The following SKIL variants were observed in gnomAD, a reference collection of about 807,000 sequenced individuals.
SKIL encodes SKI like proto-oncogene, also known as ski-like protein.
A neutral mutation model predicts 69.6 loss-of-function variants in SKIL; 20 were observed. The ratio of observed to expected loss-of-function variants is 0.29; its 90% confidence interval spans 0.20 to 0.42. SKIL has a LOEUF of 0.42. Among genes scored for constraint, SKIL ranks in the 10% least tolerant of loss-of-function variants. SKIL has a pLI of 1.00. For synonymous variants in SKIL, 310 were observed against 279.9 expected, an observed-to-expected ratio of 1.11 and a Z score of -1.08; for missense variants, 745 against 783.1, an observed-to-expected ratio of 0.95 and a Z score of 0.58.
At chr3:170,382,050 C>G (rs1252962675) in intron 3 of SKIL, among the ~76,000 whole-genome samples, 1 of 151,656 alleles carries the variant, frequency 6.6e-6, no homozygotes, top group Non-Finnish European at 1.5e-5. Flanking sequence ...TCATTGCACT[C>G]CAGCCTAGGC....
At chr3:170,366,219 C>T (rs1189525754) in intron 2 of SKIL, among the ~76,000 whole-genome samples, 3 of 151,246 alleles carry the variant, frequency 2.0e-5, no homozygotes, top group South Asian at 2.1e-4. Flanking sequence ...GTAAGTTGTT[C>T]GAAATGAAAC....
intron 2 of SKIL, among the ~76,000 whole-genome samples, chr3:170,379,502 C>G (rs1481599526): frequency 2.6e-5 from 4 of 151,788 alleles, no homozygotes; most frequent in African/African-American, 9.7e-5. Context: ...GTATCCTTTT[C>G]CCACAAAAGC....
chr3:170,391,606 A>C (rs554731554), intron 6 of SKIL, among the ~76,000 whole-genome samples: 3 of 152,250 alleles, frequency 2.0e-5, no homozygotes, highest in Admixed American at 2.0e-4. Flanking sequence ...AGCATGAGCC[A>C]CTGCACCCGG....
At chr3:170,388,795 C>A (rs902383206) in intron 4 of SKIL, among the ~76,000 whole-genome samples, 2 of 151,936 alleles carry the variant, frequency 1.3e-5, no homozygotes, top group Non-Finnish European at 2.9e-5. Context: ...CTATTTTTTT[C>A]TTGTTTTAGG....
chr3:170,364,548 C>T (rs545606132), intron 2 of SKIL, among the ~76,000 whole-genome samples: 1 of 152,066 alleles, frequency 6.6e-6, no homozygotes, highest in East Asian at 1.9e-4. Flanking sequence ...GTCTTAACTC[C>T]TGACCTGAGG....
At chr3:170,388,720 G>A (rs1263402848) in intron 4 of SKIL, among the ~76,000 whole-genome samples, 7 of 151,152 alleles carry the variant, frequency 4.6e-5, no homozygotes, top group Non-Finnish European at 8.9e-5. Flanking sequence ...GTGAGCCACC[G>A]CGCTTGGCCG....
chr3:170,376,108 C>T (rs376715241), intron 2 of SKIL, among the ~76,000 whole-genome samples: 4 of 136,754 alleles, frequency 2.9e-5, no homozygotes, highest in African/African-American at 5.5e-5. Flanking sequence ...AGCGCAGTGG[C>T]GCAATCTCAG....
chr3:170,393,273 T>C lies in SKIL; in HGVS notation c.*856T>C, dbSNP rs1429837869. The C allele has an allele frequency of 1.3e-5, 2 of 152,180 alleles. No homozygotes were observed. The highest frequency in any genetic ancestry group is 1.5e-5 in the Non-Finnish European group (1 of 68,024). The allele number at this position is 152,180 out of a possible 1,614,324, so 9.4% of individuals were successfully genotyped here. Reference sequence around the variant, plus strand: ...CAATCCATAATCCTCCTGTACAGTTTTTACATGTAGTTATGAGTCTTACTA... The same window carrying C: ...CAATCCATAATCCTCCTGTACAGTTCTTACATGTAGTTATGAGTCTTACTA... On this transcript the variant is annotated 3_prime_UTR_variant, in exon 7 of 7. Transcript: ENST00000259119.
At chr3:170,366,209 G>A (rs763671815) in intron 2 of SKIL, among the ~76,000 whole-genome samples, 7 of 151,846 alleles carry the variant, frequency 4.6e-5, no homozygotes, top group Admixed American at 1.3e-4. Flanking sequence ...CTGAAACTCA[G>A]TAAGTTGTTC....
In SKIL at chr3:170,394,104, T is replaced by C. The variant is rs1258879679; in HGVS notation, c.*1687T>C. On this transcript the variant is annotated 3_prime_UTR_variant, in exon 7 of 7. Coordinates refer to ENST00000259119, the MANE Select transcript of SKIL (RefSeq NM_005414.5). Reference sequence around the variant, plus strand: ...AGGAGGAACAAATATTAAAATGACATGTAGAAACAAATTTTTTTTTTTTTT... The same window carrying C: ...AGGAGGAACAAATATTAAAATGACACGTAGAAACAAATTTTTTTTTTTTTT... The C allele has an allele frequency of 3.4e-5, 5 of 148,856 alleles. No individual in the cohort carries two copies. Among genetic ancestry groups the C allele is most frequent in the Non-Finnish European group, 3.0e-5 (2 of 67,684 alleles). 9.2% of individuals were successfully genotyped at this position (148,856 alleles called of 1,614,324 possible).
At chr3:170,388,730 G>A (rs190968527) in intron 4 of SKIL, among the ~76,000 whole-genome samples, 2 of 151,584 alleles carry the variant, frequency 1.3e-5, no homozygotes, top group East Asian at 3.9e-4. Flanking sequence ...GCGCTTGGCC[G>A]TGTTAGTGTT....
In SKIL at chr3:170,394,476, T is replaced by C. The variant is rs1342298868; in HGVS notation, c.*2059T>C. On this transcript the variant is annotated 3_prime_UTR_variant, in exon 7 of 7. Coordinates refer to ENST00000259119, the MANE Select transcript of SKIL (RefSeq NM_005414.5). ...ATTTCATTTATATTTCTAATTCACT[T>C]GGAACCTTTCTGCTTTATGTTACCT... The C allele has an allele frequency of 6.6e-6, 1 of 152,168 alleles. No homozygotes were observed. Among genetic ancestry groups the C allele is most frequent in the Non-Finnish European group, 1.5e-5 (1 of 68,018 alleles). The allele number at this position is 152,168 out of a possible 1,614,324, so 9.4% of individuals were successfully genotyped here. A position where few individuals can be genotyped will look rare whatever the true frequency, so the allele number is the denominator to read the frequency against.
intron 2 of SKIL, among the ~76,000 whole-genome samples, chr3:170,372,020 A>G (rs1736824508): frequency 6.6e-6 from 1 of 152,224 alleles, no homozygotes. Flanking sequence ...TAGAAAAGTA[A>G]AGCCTTAGAA....
At chr3:170,373,310 G>A (rs962093056) in intron 2 of SKIL, among the ~76,000 whole-genome samples, 1 of 152,048 alleles carries the variant, frequency 6.6e-6, no homozygotes, top group South Asian at 2.1e-4. Flanking sequence ...GGGATTACAG[G>A]CATGAGCCAC....
chr3:170,367,778 A>G (rs1213360392), intron 2 of SKIL, among the ~76,000 whole-genome samples: 1 of 152,072 alleles, frequency 6.6e-6, no homozygotes, highest in Non-Finnish European at 1.5e-5. Context: ...TAAAATTTAA[A>G]CTTTTAACAT....
rs866709660 is a variant in SKIL at position 170,376,073 on chromosome 3, A to C, written c.1099-5171A>C. On this transcript the variant is annotated intron_variant, in intron 2 of 6. Coordinates refer to ENST00000259119, the MANE Select transcript of SKIL (RefSeq NM_005414.5). ...TTTTTTTTTTTTTTTTTTGAGACGG[A>C]GTTTCACTGTCTTGCCCAGGCTGGA... Among the ~76,000 whole-genome samples, 22 of 95,792 alleles carry C rather than the reference A, an allele frequency of 2.3e-4. 1 individual carries two copies. In the Middle Eastern group the frequency reaches 0.083, roughly 363 times the overall value. The allele number at this position is 95,792 out of a possible 152,430, so 62.8% of individuals were successfully genotyped here.
Position 170,395,629 on chromosome 3 carries a change from G to A in SKIL, c.*3212G>A, listed in dbSNP as rs1347270754. The A allele has an allele frequency of 6.6e-6, 1 of 152,046 alleles. No homozygotes were observed. The highest frequency in any genetic ancestry group is 1.5e-5 in the Non-Finnish European group (1 of 67,924). 9.4% of individuals were successfully genotyped at this position (152,046 alleles called of 1,614,324 possible). A position where few individuals can be genotyped will look rare whatever the true frequency, so the allele number is the denominator to read the frequency against. ...TAAGATGTGTCAAGGTATTTCTCCA[G>A]AATTAATTGCAAAGCTAGTGCTGAA... On this transcript the variant is annotated 3_prime_UTR_variant, in exon 7 of 7. Coordinates refer to ENST00000259119, the MANE Select transcript of SKIL (RefSeq NM_005414.5).
At chr3:170,364,765 A>C (rs1736421518) in intron 2 of SKIL, among the ~76,000 whole-genome samples, 1 of 152,182 alleles carries the variant, frequency 6.6e-6, no homozygotes, top group Non-Finnish European at 1.5e-5. Context: ...AATTTACTTA[A>C]CTGAAACAAT....
chr3:170,381,771 C>T (rs1254450136), intron 3 of SKIL, among the ~76,000 whole-genome samples: 1 of 151,354 alleles, frequency 6.6e-6, no homozygotes, highest in Non-Finnish European at 1.5e-5. Flanking sequence ...TCTTGTTAAT[C>T]ATAGATTATC....
Sources: gnomAD v4.1 joint callset for allele counts (sites outside exome capture counted in the v4.1 genomes callset) on GRCh38, gnomAD v4.1.1 for gene constraint, MANE v1.5 for transcripts, NCBI Gene and HGNC (gene_info 2026-07-23, HGNC 2026-07-21) for gene names.